Variants in TRIM32 observed in about 807,000 individuals in gnomAD.
The protein encoded by TRIM32 is tripartite motif containing 32.
A neutral mutation model predicts 36.0 loss-of-function variants in TRIM32; 19 were observed. The observed-to-expected ratio is 0.53, with a 90% CI of 0.37 to 0.77. The LOEUF (loss-of-function observed/expected upper bound fraction) is 0.77, where lower values mean the gene tolerates loss of function less well. TRIM32 is among the 30% of genes least tolerant of loss of function. The pLI, the probability that TRIM32 is intolerant of heterozygous loss-of-function variation, is 0.00. For missense variants in TRIM32, 747 were observed against 845.2 expected (o/e 0.88, Z 1.44); for synonymous variants, 309 against 318.5 (o/e 0.97, Z 0.32).
At chr9:116,691,772 C>T (rs1266137811) in intron 1 of TRIM32, among the ~76,000 whole-genome samples, 2 of 152,174 alleles carry the variant, frequency 1.3e-5, no homozygotes, top group Non-Finnish European at 2.9e-5. Context: ...TAAAGTCAGT[C>T]CTGCTAACGA....
intron 1 of TRIM32, 88 bp from the exon 2 acceptor site, chr9:116,697,574 C>G (rs1252217495): frequency 1.2e-6 from 1 of 821,806 alleles, no homozygotes; most frequent in Non-Finnish European, 1.9e-6. Flanking sequence ...GACTGAATGA[C>G]TGGTCATAGC....
At chr9:116,694,084 G>GCCCC (rs1423673495) in intron 1 of TRIM32, among the ~76,000 whole-genome samples, 1 of 152,144 alleles carries the variant, frequency 6.6e-6, no homozygotes, top group Admixed American at 6.5e-5. Context: ...AGGAATTCTT[G>GCCCC]ACATCCTCAG....
chr9:116,698,443 A>G lies in TRIM32; in HGVS notation c.701A>G (p.Gln234Arg). 6.2e-7 allele frequency: 1 copy of G among 1,614,086 alleles called. No individual in the cohort carries two copies. The highest frequency in any genetic ancestry group is 1.3e-5 in the African/African-American group (1 of 75,034). Reference protein sequence around the residue: ...QSYLLNIAEVQAVSRCDYFLA... With the variant: ...QSYLLNIAEVRAVSRCDYFLA... Reference sequence around the variant, plus strand: ...TACCTGCTTAACATTGCAGAGGTGCAGGCTGTGTCTCGCTGTGACTACTTC... The same window carrying G: ...TACCTGCTTAACATTGCAGAGGTGCGGGCTGTGTCTCGCTGTGACTACTTC... The change falls in exon 2 of 2, where the codon CAG becomes CGG. Residue 234 changes from glutamine (Q) to arginine (R), a missense_variant. Transcript: ENST00000450136. This position sits in a 1 kb window ranked among gnomAD's most constrained non-coding sequence, Gnocchi z 4.4.
rs1181621092 is a variant in TRIM32, at chr9:116,700,688, T to C, written c.*984T>C. 1.2e-5 allele frequency: 2 copies of C among 166,950 alleles called. No homozygotes were observed. The highest frequency in any genetic ancestry group is 2.9e-5 in the Non-Finnish European group (2 of 68,124). 10.3% of individuals were successfully genotyped at this position (166,950 alleles called of 1,614,324 possible). On this transcript the variant is annotated 3_prime_UTR_variant, in exon 2 of 2. Coordinates refer to ENST00000450136, the MANE Select transcript of TRIM32 (RefSeq NM_012210.4). ...TTTTCCTCAAGTCAGTACATACTAT[T>C]TGGTTTCAGGATTTCTTTCCATTTC...
At chr9:116,690,470 T>C in intron 1 of TRIM32, among the ~76,000 whole-genome samples, 1 of 152,334 alleles carries the variant, frequency 6.6e-6, no homozygotes, top group South Asian at 2.1e-4. Flanking sequence ...TGGAGAATAG[T>C]TGGAAGCCAG....
intron 1 of TRIM32, among the ~76,000 whole-genome samples, chr9:116,695,673 G>A (rs150289087): frequency 3.9e-4 from 59 of 152,252 alleles, no homozygotes; most frequent in African/African-American, 1.4e-3. Flanking sequence ...TAGGATTTGC[G>A]TTTATGAAAT....
chr9:116,690,229 T>G (rs1860497858), intron 1 of TRIM32, among the ~76,000 whole-genome samples: 1 of 152,194 alleles, frequency 6.6e-6, no homozygotes. Flanking sequence ...TGATTATAAT[T>G]TGTTGAGTGC....
chr9:116,694,983 C>G (rs1860771379), intron 1 of TRIM32, among the ~76,000 whole-genome samples: 1 of 152,104 alleles, frequency 6.6e-6, no homozygotes. Flanking sequence ...ATCAATCTAT[C>G]CCACTCTATA....
chr9:116,698,764 C>G lies in TRIM32; in HGVS notation c.1022C>G (p.Ala341Gly), dbSNP rs748575389. ...GTTGCCAGCCCTAGGGCCTCACCTG[C>G]TAAACAGCGGGGTCCTGAGGCAGCC... ...EVVASPRASP[A>G]KQRGPEAASN... is the part of the protein sequence containing the mutation. Residue 341 changes from alanine to glycine, a missense_variant, in exon 2 of 2, where the codon GCT becomes GGT. Transcript: ENST00000450136. The surrounding 1 kb of genome is among the most constrained non-coding windows in gnomAD (Gnocchi z 4.4). 6.2e-7 allele frequency: 1 copy of G among 1,614,172 alleles called. No individual in the cohort carries two copies. The highest frequency in any genetic ancestry group is 8.5e-7 in the Non-Finnish European group (1 of 1,180,024).
intron 1 of TRIM32, among the ~76,000 whole-genome samples, chr9:116,687,605 G>T (rs1285386689): frequency 1.3e-5 from 2 of 151,230 alleles, no homozygotes; most frequent in Non-Finnish European, 3.0e-5. Flanking sequence ...AGATGCAGCT[G>T]GGGGAGGGGA....
chr9:116,688,098 G>T (rs967605848), intron 1 of TRIM32, among the ~76,000 whole-genome samples: 29 of 152,028 alleles, frequency 1.9e-4, no homozygotes, highest in African/African-American at 6.5e-4. Flanking sequence ...GAAATCTGGG[G>T]TGAGGAATTG....
chr9:116,699,540 C>A lies in TRIM32; in HGVS notation c.1798C>A (p.Leu600Ile), dbSNP rs1861068286. 6.2e-7 allele frequency: 1 copy of A among 1,614,068 alleles called. No homozygotes were observed. Among genetic ancestry groups the A allele is most frequent in the African/African-American group, 1.3e-5 (1 of 74,924 alleles). ...IVADSSRKEI[L>I]HFPKGGGYSV... ...GGCTGACAGTAGTCGCAAGGAAATT[C>A]TCCATTTTCCTAAGGGTGGGGGCTA... The change falls in exon 2 of 2, where the codon CTC becomes ATC. Residue 600 changes from leucine to isoleucine, a missense_variant. By Grantham distance (5) the Leu-to-Ile change is conservative. Transcript: ENST00000450136. This position sits in a 1 kb window ranked among gnomAD's most constrained non-coding sequence, Gnocchi z 4.2.
Position 116,699,237 on chromosome 9 carries a change from G to C in TRIM32, c.1495G>C (p.Asp499His). The change falls in exon 2 of 2, where the codon GAT becomes CAT. Residue 499 changes from aspartate to histidine, a missense_variant. Physicochemically the swap from Asp to His is moderately conservative, Grantham distance 81. Coordinates refer to ENST00000450136, the MANE Select transcript of TRIM32 (RefSeq NM_012210.4). This position sits in a 1 kb window ranked among gnomAD's most constrained non-coding sequence, Gnocchi z 4.2. ...EGGKLWCFTVDRGSGVVKYSC... is the reference protein window; with the variant it reads ...EGGKLWCFTVHRGSGVVKYSC... ...TGGAAAGCTTTGGTGTTTCACAGTT[G>C]ATCGAGGATCAGGGGTGGTCAAATA... 6.2e-7 allele frequency: 1 copy of C among 1,614,246 alleles called. No homozygotes were observed. Among genetic ancestry groups the C allele is most frequent in the Non-Finnish European group, 8.5e-7 (1 of 1,180,056 alleles).
In TRIM32 at chr9:116,687,360, C is replaced by G. The variant is rs538918400; in HGVS notation, c.-103C>G. 124 of 531,230 alleles carry G rather than the reference C, an allele frequency of 2.3e-4. No individual in the cohort carries two copies. In the African/African-American group the frequency reaches 2.6e-3, roughly 11 times the overall value. 32.9% of individuals were successfully genotyped at this position (531,230 alleles called of 1,614,324 possible). ...GCGGGTGGGCTGCCGGCGGTGGACT[C>G]GTCGGAGCCGCGGGCGGTCAGGTAG... On this transcript the variant is annotated 5_prime_UTR_variant, in exon 1 of 2. Coordinates refer to ENST00000450136, the MANE Select transcript of TRIM32 (RefSeq NM_012210.4).
At chr9:116,694,439 G>C (rs996793499) in intron 1 of TRIM32, among the ~76,000 whole-genome samples, 1 of 148,440 alleles carries the variant, frequency 6.7e-6, no homozygotes, top group South Asian at 2.2e-4. Flanking sequence ...GGGTTGCATG[G>C]ATCCTGAGTT....
chr9:116,687,492 G>C (rs1055942257), intron 1 of TRIM32, 111 bp downstream of exon 1: 2 of 146,636 alleles, frequency 1.4e-5, no homozygotes, highest in African/African-American at 5.1e-5. Context: ...GCGCCCGAAT[G>C]GCAGGGTGTG....
intron 1 of TRIM32, among the ~76,000 whole-genome samples, chr9:116,692,991 T>A (rs886148207): frequency 1.3e-5 from 2 of 152,180 alleles, no homozygotes; most frequent in African/African-American, 4.8e-5. Flanking sequence ...GCATTCTCAA[T>A]CAAAACTCTT....
At position 116,697,882 on chromosome 9, in the gene TRIM32, G is replaced by T. The variant is rs1179298318; in HGVS notation, c.140G>T (p.Cys47Phe). ...TGTGGCCATACCATCTGCCGCCAGTGCCTGGAGAAGCTATTGGCCAGTAGC... is the reference window on the plus strand; with the variant it reads ...TGTGGCCATACCATCTGCCGCCAGTTCCTGGAGAAGCTATTGGCCAGTAGC... The part of the protein sequence containing the change: ...LHCGHTICRQ[C>F]LEKLLASSIN... Residue 47 changes from cysteine (C) to phenylalanine (F), a missense_variant, in exon 2 of 2, where the codon TGC (cysteine) becomes TTC (phenylalanine). Cys to Phe is a radical substitution (Grantham distance 205). Transcript: ENST00000450136. 6.2e-7 allele frequency: 1 copy of T among 1,614,208 alleles called. No individual in the cohort carries two copies. Among genetic ancestry groups the T allele is most frequent in the Admixed American group, 1.7e-5 (1 of 60,034 alleles).
At position 116,695,263 on chromosome 9, in the gene TRIM32, C is replaced by G. The variant is rs369919296; in HGVS notation, c.-81-2399C>G. ...GTAAAATAGGATAATAAAAATATTA[C>G]CACTTCATAGTGTCATCATGAAGAT... On this transcript the variant is annotated intron_variant, in intron 1 of 1. Coordinates refer to ENST00000450136, the MANE Select transcript of TRIM32 (RefSeq NM_012210.4). Among the ~76,000 whole-genome samples the G allele has an allele frequency of 3.9e-5, 6 of 152,118 alleles. No homozygotes were observed. The East Asian group carries it at 1.2e-3, about 29-fold the overall frequency.
Sources: allele counts gnomAD v4.1 joint callset (sites outside exome capture counted in the v4.1 genomes callset), GRCh38; gene constraint gnomAD v4.1.1; non-coding constraint Gnocchi (gnomAD v3.1); transcripts MANE v1.5; gene names NCBI Gene and HGNC (gene_info 2026-07-23, HGNC 2026-07-21).